SPI1: variants seen among roughly 807,000 people sequenced by gnomAD.
The protein encoded by SPI1 is Spi-1 proto-oncogene, also known as transcription factor PU.1.
SPI1 carries 3 observed loss-of-function variants against 30.7 expected under a neutral mutation model. That is an observed-to-expected ratio of 0.10 (90% CI 0.04 to 0.25). The LOEUF (loss-of-function observed/expected upper bound fraction) is 0.25. SPI1 is among the 10% of genes least tolerant of loss of function. The pLI, the probability that SPI1 is intolerant of heterozygous loss-of-function variation, is 1.00. For synonymous variants in SPI1, 169 were observed against 157.1 expected, an observed-to-expected ratio of 1.08 and a Z score of -0.56; for missense variants, 261 against 371.5, an observed-to-expected ratio of 0.70 and a Z score of 2.45.
chr11:47,356,002 G>A (rs1275754442), intron 4 of SPI1, among the ~76,000 whole-genome samples: 3 of 148,690 alleles, frequency 2.0e-5, no homozygotes, highest in Non-Finnish European at 4.4e-5. Context: ...CACGTACAAT[G>A]TATCTGATCA....
In SPI1 at chr11:47,374,407, A is replaced by G. The variant is rs2095939737; in HGVS notation, c.142+1226T>C. On this transcript the variant is annotated intron_variant, in intron 2 of 4. Coordinates refer to ENST00000378538, the MANE Select transcript of SPI1 (RefSeq NM_003120.3). The surrounding 1 kb of genome is among the most constrained non-coding windows in gnomAD (Gnocchi z 4.5). ...GGAGGCATATCCGCCTACCCCTGGGATATGGCTTCCAGTCTGAGTTCCGGA... is the reference window on the plus strand; with the variant it reads ...GGAGGCATATCCGCCTACCCCTGGGGTATGGCTTCCAGTCTGAGTTCCGGA... Among the ~76,000 whole-genome samples, 1 of 152,188 alleles carries G rather than the reference A, an allele frequency of 6.6e-6. No homozygotes were observed. The highest frequency in any genetic ancestry group is 1.5e-5 in the Non-Finnish European group (1 of 68,036).
At chr11:47,367,974 C>CA (rs2095930805) in intron 2 of SPI1, among the ~76,000 whole-genome samples, 1 of 151,874 alleles carries the variant, frequency 6.6e-6, no homozygotes, top group African/African-American at 2.4e-5. Context: ...AGCCAGGTCT[C>CA]AATCTCTTGA....
In SPI1 at chr11:47,375,837, G is replaced by GTAGGTCCAACGCAGCCA; in HGVS notation, c.46-109_46-108insTGGCTGCGTTGGACCTA. 2.3e-6 allele frequency: 2 copies of GTAGGTCCAACGCAGCCA among 874,372 alleles called. No homozygotes were observed. Among genetic ancestry groups the GTAGGTCCAACGCAGCCA allele is most frequent in the Non-Finnish European group, 3.9e-6 (2 of 516,556 alleles). 54.2% of individuals were successfully genotyped at this position (874,372 alleles called of 1,614,324 possible). A position where few individuals can be genotyped will look rare whatever the true frequency, so the allele number is the denominator to read the frequency against. ...CATCACCTTCCCTGGCTCAGTGGCT[G>GTAGGTCCAACGCAGCCA]CGTTGGACCTACAGCCCTCCCTCTG... On this transcript the variant is annotated intron_variant, in intron 1 of 4. Transcript: ENST00000378538. This position sits in a 1 kb window ranked among gnomAD's most constrained non-coding sequence, Gnocchi z 4.2.
intron 4 of SPI1, among the ~76,000 whole-genome samples, chr11:47,356,265 GAC>G (rs1208959120): frequency 4.3e-5 from 6 of 139,828 alleles, no homozygotes; most frequent in Admixed American, 1.4e-4. Context: ...GCACCCACAC[GAC>G]ACACCCACTC....
intron 4 of SPI1, chr11:47,358,449 CAT>C: frequency 1.6e-6 from 1 of 638,026 alleles, no homozygotes; most frequent in Non-Finnish European, 2.9e-6. Context: ...GACACACAAA[CAT>C]GGCCACACCC....
chr11:47,373,127 C>T (rs1337844729), intron 2 of SPI1, among the ~76,000 whole-genome samples: 13 of 150,936 alleles, frequency 8.6e-5, no homozygotes, highest in African/African-American at 2.9e-4. Context: ...CTGAGGCAGG[C>T]GGATCACCAG....
intron 2 of SPI1, among the ~76,000 whole-genome samples, chr11:47,362,307 C>T (rs1054744561): frequency 5.3e-5 from 8 of 152,092 alleles, no homozygotes; most frequent in African/African-American, 1.9e-4. Context: ...AGTGTGGTTA[C>T]ACCTATAATC....
At chr11:47,364,044 T>C (rs2095924800) in intron 2 of SPI1, among the ~76,000 whole-genome samples, 1 of 150,468 alleles carries the variant, frequency 6.6e-6, no homozygotes, top group African/African-American at 2.4e-5. Context: ...AAAACAAAAC[T>C]TAATTTGCAT....
Position 47,375,611 on chromosome 11 carries a change from G to T in SPI1, c.142+22C>A. 1 of 1,583,220 alleles carries T rather than the reference G, an allele frequency of 6.3e-7. No individual in the cohort carries two copies. ...GCCCAGGCTGGGCTGGGGGATGGGG[G>T]CGTGGCAGGCCCCGTACTCACCGCT... On this transcript the variant is annotated intron_variant, in intron 2 of 4. Transcript: ENST00000378538. This position sits in a 1 kb window ranked among gnomAD's most constrained non-coding sequence, Gnocchi z 4.2.
intron 4 of SPI1, chr11:47,358,573 T>A: frequency 1.4e-6 from 1 of 701,012 alleles, no homozygotes. Flanking sequence ...GCACACTTGC[T>A]CACACACACC....
chr11:47,357,031 TCACA>T (rs1000355167), intron 4 of SPI1, among the ~76,000 whole-genome samples: 9 of 148,984 alleles, frequency 6.0e-5, no homozygotes, highest in East Asian at 2.0e-4. Flanking sequence ...ACACCAAGTC[TCACA>T]CACACTTATG....
rs751249636 is a variant in SPI1 at position 47,359,895 on chromosome 11, G to C, written c.288C>G (p.Leu96=). 6.2e-7 allele frequency: 1 copy of C among 1,609,542 alleles called. No individual in the cohort carries two copies. Among genetic ancestry groups the C allele is most frequent in the South Asian group, 1.1e-5 (1 of 91,072 alleles). ...GATGGGGTGGCACCATGGGGGTATC[G>C]AGGACGTGCATCTGCTCCAGCTCCA... ...RHMELEQMHV[L]DTPMVPPHPS... is the part of the protein sequence containing the mutation. Residue 96 remains leucine (L), a synonymous_variant, in exon 3 of 5, where the codon CTC becomes CTG. Transcript: ENST00000378538. The surrounding 1 kb of genome is among the most constrained non-coding windows in gnomAD (Gnocchi z 5.1).
At chr11:47,373,330 C>T (rs1222864466) in intron 2 of SPI1, among the ~76,000 whole-genome samples, 5 of 148,426 alleles carry the variant, frequency 3.4e-5, no homozygotes, top group East Asian at 4.1e-4. Flanking sequence ...CCAGCCCGGG[C>T]GACAGTACGA....
intron 4 of SPI1, among the ~76,000 whole-genome samples, chr11:47,356,695 GCA>G: frequency 6.7e-6 from 1 of 149,880 alleles, no homozygotes; most frequent in Middle Eastern, 3.5e-3. Context: ...GCTCACCCTT[GCA>G]CACACATGCC....
At position 47,358,862 on chromosome 11, in the gene SPI1, G is replaced by T; in HGVS notation, c.475C>A (p.Leu159Ile). 2 of 1,549,620 alleles carry T rather than the reference G, an allele frequency of 1.3e-6. No individual in the cohort carries two copies. The highest frequency in any genetic ancestry group is 2.7e-5 in the African/African-American group (2 of 73,618). The change falls in exon 4 of 5, where the codon CTC becomes ATC. Residue 159 changes from leucine (L) to isoleucine (I), a missense_variant. By Grantham distance (5) the Leu-to-Ile change is conservative. Transcript: ENST00000378538. The part of the protein sequence containing the change: ...EADGLEPGPG[L>I]LPGETGSKKK... The stretch of plus-strand genomic sequence containing the variant: ...GCCCCACCTGTCTCCCCAGGCAGGA[G>T]CCCAGGCCCGGGCTCCAGGCCATCC...
rs759048353 is a variant in SPI1 at position 47,375,459 on chromosome 11, C to T, written c.142+174G>A. ...CACTGCAGAGGCTCCATAATGGAGGCTCAGGTGTGGGGGTGCAGCGATGAT... is the reference window on the plus strand; with the variant it reads ...CACTGCAGAGGCTCCATAATGGAGGTTCAGGTGTGGGGGTGCAGCGATGAT... On this transcript the variant is annotated intron_variant, in intron 2 of 4. Coordinates refer to ENST00000378538, the MANE Select transcript of SPI1 (RefSeq NM_003120.3). This position sits in a 1 kb window ranked among gnomAD's most constrained non-coding sequence, Gnocchi z 4.2. Among the ~76,000 whole-genome samples the T allele has an allele frequency of 6.6e-6, 1 of 152,208 alleles. No homozygotes were observed. The highest frequency in any genetic ancestry group is 1.5e-5 in the Non-Finnish European group (1 of 68,032).
intron 1 of SPI1, among the ~76,000 whole-genome samples, chr11:47,377,660 C>T (rs536955859): frequency 3.3e-5 from 5 of 152,238 alleles, no homozygotes; most frequent in East Asian, 1.9e-4. Flanking sequence ...TGTCCCCTGC[C>T]GCGCCTCTCC....
At chr11:47,363,772 G>C (rs2095924246) in intron 2 of SPI1, among the ~76,000 whole-genome samples, 1 of 151,596 alleles carries the variant, frequency 6.6e-6, no homozygotes, top group Admixed American at 6.6e-5. Context: ...AGACCAGCCT[G>C]GCCAACATAG....
rs1256047243 is a variant in SPI1 at position 47,355,750 on chromosome 11, A to C, written c.494-204T>G. Among the ~76,000 whole-genome samples the C allele has an allele frequency of 2.1e-5, 3 of 145,746 alleles. No individual in the cohort carries two copies. In the Admixed American group the frequency reaches 2.1e-4, roughly 10 times the overall value. On this transcript the variant is annotated intron_variant, in intron 4 of 4. Transcript: ENST00000378538. ...CTTGCGCACACACAGGCGTTCACAC[A>C]CACCCACTCACACCCACGCACTCAC...
Sources: gnomAD v4.1 joint callset for allele counts (sites outside exome capture counted in the v4.1 genomes callset) on GRCh38, gnomAD v4.1.1 for gene constraint, Gnocchi (gnomAD v3.1) non-coding constraint, MANE v1.5 for transcripts, NCBI Gene and HGNC (gene_info 2026-07-23, HGNC 2026-07-21) for gene names.